The following TAOK3 variants were observed in gnomAD, a reference collection of about 807,000 sequenced individuals.
TAOK3 encodes serine/threonine-protein kinase TAO3.
TAOK3 carries 40 observed loss-of-function variants against 120.4 expected under a neutral mutation model. The ratio of observed to expected loss-of-function variants is 0.33; its 90% CI spans 0.26 to 0.43. TAOK3 has a LOEUF of 0.43. TAOK3 is among the 20% of genes least tolerant of loss of function. The pLI is 1.00. For missense variants in TAOK3, 821 were observed against 1,112.1 expected (o/e 0.74, Z 3.72); for synonymous variants, 355 against 387.5 (o/e 0.92, Z 0.99).
rs550716234 is a variant in TAOK3, at chr12:118,235,589, G to C, written c.520C>G (p.Pro174Ala). The part of the protein sequence containing the change: ...ADFGSASMAS[P>A]ANSFVGTPYW... ...GGTGTGCCCACGAAGGAGTTGGCAG[G>C]AGAAGCCATTGAAGCAGATCCAAAA... The change falls in exon 8 of 21, where the codon CCT (proline) becomes GCT (alanine). Residue 174 changes from proline (P) to alanine (A), a missense_variant. Transcript: ENST00000392533. The C allele has an allele frequency of 6.2e-7, 1 of 1,613,708 alleles. No individual in the cohort carries two copies. The highest frequency in any genetic ancestry group is 1.1e-5 in the South Asian group (1 of 91,060).
At chr12:118,267,239 G>A (rs560270912) in intron 1 of TAOK3, among the ~76,000 whole-genome samples, 230 of 151,572 alleles carry the variant, frequency 1.5e-3, no homozygotes, top group African/African-American at 5.0e-3. Context: ...TTTTTGAGAC[G>A]GAGTCTTGCT....
chr12:118,288,479 CCA>C (rs1357560858), intron 1 of TAOK3, among the ~76,000 whole-genome samples: 1 of 152,116 alleles, frequency 6.6e-6, no homozygotes, highest in Non-Finnish European at 1.5e-5. Flanking sequence ...GGAAGAGAGC[CCA>C]CACCAGAAGC....
chr12:118,178,901 G>A (rs143232272), intron 15 of TAOK3, among the ~76,000 whole-genome samples: 209 of 152,352 alleles, frequency 1.4e-3, no homozygotes, highest in Non-Finnish European at 2.5e-3. Context: ...ACCACTGGGT[G>A]AAGGATATAC....
chr12:118,197,938 C>T (rs1328853953), intron 13 of TAOK3, among the ~76,000 whole-genome samples: 3 of 152,146 alleles, frequency 2.0e-5, no homozygotes, highest in Admixed American at 6.5e-5. Flanking sequence ...CCGCCCACCT[C>T]GGCCATTGCG....
At chr12:118,363,363 T>TAGGTTC (rs1383889597) in intron 1 of TAOK3, among the ~76,000 whole-genome samples, 1 of 152,182 alleles carries the variant, frequency 6.6e-6, no homozygotes, top group Non-Finnish European at 1.5e-5. Flanking sequence ...CTAAAGTATT[T>TAGGTTC]AAATTTCCAT....
chr12:118,312,032 A>C (rs2043283153), intron 1 of TAOK3, among the ~76,000 whole-genome samples: 1 of 152,248 alleles, frequency 6.6e-6, no homozygotes, highest in East Asian at 1.9e-4. Flanking sequence ...GAAAGTAGCA[A>C]AACAACAGCA....
chr12:118,313,443 A>AT (rs1458424738), intron 1 of TAOK3, among the ~76,000 whole-genome samples: 1 of 151,958 alleles, frequency 6.6e-6, no homozygotes, highest in African/African-American at 2.4e-5. Context: ...CACTTGGCTA[A>AT]TTTTTGTATT....
chr12:118,212,536 G>A (rs2038684012), intron 11 of TAOK3, among the ~76,000 whole-genome samples: 1 of 152,162 alleles, frequency 6.6e-6, no homozygotes, highest in Non-Finnish European at 1.5e-5. Flanking sequence ...GAAAATCCCA[G>A]AGTTGGTGTT....
intron 7 of TAOK3, chr12:118,236,332 A>C (rs2040019185): frequency 6.6e-6 from 1 of 152,240 alleles, no homozygotes; most frequent in Admixed American, 6.5e-5. Context: ...TTAGGAAATT[A>C]CATTTCTATT....
chr12:118,297,962 T>C (rs2042744307), intron 1 of TAOK3, among the ~76,000 whole-genome samples: 1 of 152,308 alleles, frequency 6.6e-6, no homozygotes, highest in Admixed American at 6.5e-5. Flanking sequence ...AAATTTTTTG[T>C]AGAGATGGGC....
At chr12:118,363,557 A>G (rs1593708207) in intron 1 of TAOK3, among the ~76,000 whole-genome samples, 3 of 151,924 alleles carry the variant, frequency 2.0e-5, no homozygotes, top group African/African-American at 7.2e-5. Context: ...AATTCAAAGC[A>G]GAGAGTAGCA....
At chr12:118,346,857 GTAC>G (rs1021701344) in intron 1 of TAOK3, among the ~76,000 whole-genome samples, 1 of 152,108 alleles carries the variant, frequency 6.6e-6, no homozygotes, top group Non-Finnish European at 1.5e-5. Context: ...CTATCTGTAG[GTAC>G]TACTAATAAG....
Position 118,372,405 on chromosome 12 carries a change from G to C in TAOK3, c.-194+243C>G, listed in dbSNP as rs1429420144. Reference sequence around the variant, plus strand: ...CCTTCCTCTCACGCGCACTGTCCCGGCCCCTCTTGGAGACCCCTCCCCTCA... The same window carrying C: ...CCTTCCTCTCACGCGCACTGTCCCGCCCCCTCTTGGAGACCCCTCCCCTCA... On this transcript the variant is annotated intron_variant, in intron 1 of 20. Coordinates refer to ENST00000392533, the MANE Select transcript of TAOK3 (RefSeq NM_016281.4). This position sits in a 1 kb window ranked among gnomAD's most constrained non-coding sequence, Gnocchi z 4.6. 1.3e-5 allele frequency among the ~76,000 whole-genome samples: 2 copies of C among 148,314 alleles called. No individual in the cohort carries two copies. Among genetic ancestry groups the C allele is most frequent in the Admixed American group, 6.7e-5 (1 of 14,882 alleles).
rs769216125 is a variant in TAOK3, at chr12:118,189,854, G to A, written c.1282C>T (p.His428Tyr). 1 of 1,614,188 alleles carries A rather than the reference G, an allele frequency of 6.2e-7. No individual in the cohort carries two copies. The highest frequency in any genetic ancestry group is 8.5e-7 in the Non-Finnish European group (1 of 1,180,038). The change falls in exon 14 of 21, where the codon CAC becomes TAC. Residue 428 changes from histidine (H) to tyrosine (Y), a missense_variant. His to Tyr is a moderately conservative substitution (Grantham distance 83, BLOSUM62 2). Around this residue, in one of 2 missense-constraint regions of TAOK3, gnomAD observed 467 missense variants for 540.0 expected, o/e 0.86. Transcript: ENST00000392533. ...GCAAAGCGCTCTCTGTTCCGGTAGTGGAGGGCCTGGCTCTGAACTGACTGG... is the reference window on the plus strand; with the variant it reads ...GCAAAGCGCTCTCTGTTCCGGTAGTAGAGGGCCTGGCTCTGAACTGACTGG... ...PTQSVQSQAL[H>Y]YRNRERFATI...
At chr12:118,214,207 T>C in intron 9 of TAOK3, 97 bp from the exon 10 acceptor site, 1 of 890,216 alleles carries the variant, frequency 1.1e-6, no homozygotes, top group Non-Finnish European at 1.7e-6. Context: ...GCTAAATCAA[T>C]AGCTCATTAC....
intron 1 of TAOK3, among the ~76,000 whole-genome samples, chr12:118,334,813 T>C (rs774976174): frequency 4.7e-5 from 7 of 149,270 alleles, no homozygotes; most frequent in Non-Finnish European, 1.0e-4. Flanking sequence ...GAGGCAGAGG[T>C]TGTGGTGAGC....
At chr12:118,213,119 A>G in intron 10 of TAOK3, 124 bp from the exon 11 acceptor site, 1 of 512,336 alleles carries the variant, frequency 2.0e-6, no homozygotes, top group Non-Finnish European at 3.3e-6. Flanking sequence ...ATGCTTTGGA[A>G]TATCAGGATA....
Position 118,291,091 on chromosome 12 carries a change from G to A in TAOK3, c.-193-24332C>T, listed in dbSNP as rs113898719. ...GGCTGGTCTTGAACTCCTGACCTCA[G>A]GTGATCTGTCTGCCTCGGCGTCCGA... On this transcript the variant is annotated intron_variant, in intron 1 of 20. Coordinates refer to ENST00000392533, the MANE Select transcript of TAOK3 (RefSeq NM_016281.4). Among the ~76,000 whole-genome samples the A allele has an allele frequency of 8.8e-3, 1,339 of 151,712 alleles. 19 individuals are homozygous for A. The highest frequency in any genetic ancestry group is 0.031 in the African/African-American group (1,295 of 41,370).
Position 118,300,701 on chromosome 12 carries a change from CCTAA to C in TAOK3, c.-193-33946_-193-33943del, listed in dbSNP as rs112290634. ...CCTCAACAGTTGTATGTGTCTATCA[CCTAA>C]CTATTTCCTTATTCTTTGCTCACCT... On this transcript the variant is annotated intron_variant, in intron 1 of 20. Transcript: ENST00000392533. 9.0e-3 allele frequency among the ~76,000 whole-genome samples: 1,365 copies of C among 152,170 alleles called. 22 individuals are homozygous for C. Among genetic ancestry groups the C allele is most frequent in the African/African-American group, 0.031 (1,306 of 41,480 alleles).
Sources: allele counts gnomAD v4.1 joint callset (sites outside exome capture counted in the v4.1 genomes callset), GRCh38; gene constraint gnomAD v4.1.1; regional missense constraint gnomAD v4.1.1; non-coding constraint Gnocchi (gnomAD v3.1); transcripts MANE v1.5; gene names NCBI Gene and HGNC (gene_info 2026-07-23, HGNC 2026-07-21).